The following NKTR variants were observed in gnomAD, a reference collection of about 807,000 sequenced individuals.
The protein encoded by NKTR is NK-tumor recognition protein.
NKTR carries 67 observed loss-of-function variants against 156.3 expected under a neutral mutation model. That is an observed-to-expected ratio of 0.43 (90% CI 0.35 to 0.53). NKTR has a LOEUF of 0.53. Ranked by LOEUF, NKTR falls within the 20% of genes least tolerant of loss-of-function variation. NKTR has a pLI of 0.01. For synonymous variants in NKTR, 640 were observed against 596.6 expected (o/e 1.07, Z -1.06); for missense variants, 1,604 against 1,730.9 (o/e 0.93, Z 1.30).
At chr3:42,607,529 T>C (rs1414799592) in intron 2 of NKTR, among the ~76,000 whole-genome samples, 1 of 151,368 alleles carries the variant, frequency 6.6e-6, no homozygotes, top group Non-Finnish European at 1.5e-5. Context: ...AGATGGAGAC[T>C]GTTTTAGATT....
chr3:42,638,777 G>A lies in NKTR; in HGVS notation c.3073G>A (p.Glu1025Lys). The A allele has an allele frequency of 6.2e-7, 1 of 1,610,434 alleles. No individual in the cohort carries two copies. The highest frequency in any genetic ancestry group is 8.5e-7 in the Non-Finnish European group (1 of 1,177,594). The change falls in exon 13 of 17, where the codon GAG (glutamate) becomes AAG (lysine). Residue 1025 changes from glutamate (E) to lysine (K), a missense_variant. Coordinates refer to ENST00000232978, the MANE Select transcript of NKTR (RefSeq NM_005385.4). ...HWQPPLEFGE[E>K]EEEEIDDKQV... is the part of the protein sequence containing the mutation. ...GCAGCCTCCACTAGAATTTGGTGAA[G>A]AGGAGGAGGAGGAGATTGATGACAA...
At position 42,608,968 on chromosome 3, in the gene NKTR, A is replaced by C. The variant is rs560992066; in HGVS notation, c.58+7904A>C. Among the ~76,000 whole-genome samples, 3 of 152,254 alleles carry C rather than the reference A, an allele frequency of 2.0e-5. No individual in the cohort carries two copies. In the East Asian group the frequency reaches 5.8e-4, roughly 29 times the overall value. On this transcript the variant is annotated intron_variant, in intron 2 of 16. Coordinates refer to ENST00000232978, the MANE Select transcript of NKTR (RefSeq NM_005385.4). The stretch of plus-strand genomic sequence containing the variant: ...TGGTGAAACCCTGACCACTAAAAAG[A>C]AGTACAAAAATTAGCCGGGCATGGT...
chr3:42,640,952 A>G (rs1709837009), intron 13 of NKTR, among the ~76,000 whole-genome samples: 1 of 152,230 alleles, frequency 6.6e-6, no homozygotes, highest in Admixed American at 6.5e-5. Context: ...ACACAGAGAC[A>G]GCTCTGAGCT....
chr3:42,608,028 C>A, intron 2 of NKTR, among the ~76,000 whole-genome samples: 1 of 93,574 alleles, frequency 1.1e-5, no homozygotes, highest in East Asian at 3.2e-4. Flanking sequence ...TCCTTCTTGT[C>A]ACCCAGGCTG....
Position 42,608,035 on chromosome 3 carries a change from G to T in NKTR, c.58+6971G>T, listed in dbSNP as rs538793522. On this transcript the variant is annotated intron_variant, in intron 2 of 16. Transcript: ENST00000232978. ...TTTGAGTTTCCTTCTTGTCACCCAG[G>T]CTGGAGTGCAATGGCGCGATCTCAG... 5.0e-5 allele frequency among the ~76,000 whole-genome samples: 6 copies of T among 119,002 alleles called. No individual in the cohort carries two copies. The Admixed American group carries it at 6.2e-4, about 12-fold the overall frequency. The allele number at this position is 119,002 out of a possible 152,430, so 78.1% of individuals were successfully genotyped here.
chr3:42,611,829 A>G (rs1001599016), intron 2 of NKTR, among the ~76,000 whole-genome samples: 9 of 151,886 alleles, frequency 5.9e-5, no homozygotes, highest in Middle Eastern at 3.2e-3. Flanking sequence ...GAGGATGCGT[A>G]TTTTCTTTCA....
chr3:42,628,302 A>G (rs1708584266), intron 6 of NKTR: 2 of 985,388 alleles, frequency 2.0e-6, no homozygotes, highest in Non-Finnish European at 2.4e-6. Flanking sequence ...TTTCTGCACT[A>G]CTGCTATAAA....
At chr3:42,600,627 A>C, upstream of NKTR, 1 of 161,096 alleles carries the variant, frequency 6.2e-6, no homozygotes. Flanking sequence ...CTCTCGCGGT[A>C]TTTGTCCCGA....
At position 42,600,980 on chromosome 3, in the gene NKTR, C is replaced by T; in HGVS notation, c.-23-4C>T. ...CTGACCGCTTTTCTCCCCCTCTCTCCCAGCTCTTGCCGCCACCTCGGTCGC... is the reference window on the plus strand; with the variant it reads ...CTGACCGCTTTTCTCCCCCTCTCTCTCAGCTCTTGCCGCCACCTCGGTCGC... On this transcript the variant is annotated splice_polypyrimidine_tract_variant and splice_region_variant and intron_variant, in intron 1 of 16. Coordinates refer to ENST00000232978, the MANE Select transcript of NKTR (RefSeq NM_005385.4). The T allele has an allele frequency of 6.5e-7, 1 of 1,533,898 alleles. No individual in the cohort carries two copies. The highest frequency in any genetic ancestry group is 8.8e-7 in the Non-Finnish European group (1 of 1,140,078).
chr3:42,620,353 A>C (rs971462876), intron 5 of NKTR: 1 of 1,102,396 alleles, frequency 9.1e-7, no homozygotes, highest in African/African-American at 1.6e-5. Flanking sequence ...TATTAGAACT[A>C]TGACTGTGTT....
Position 42,633,613 on chromosome 3 carries a change from G to A in NKTR, c.807G>A (p.Arg269=), listed in dbSNP as rs886753367. 3.1e-6 allele frequency: 5 copies of A among 1,613,976 alleles called. No homozygotes were observed. In the African/African-American group the frequency reaches 6.7e-5, roughly 22 times the overall value. Reference sequence around the variant, plus strand: ...AGAGGAGTGATACCAATGAAAAAAGGTCAGTTGATTCCAGTGCTAAAAGGG... The same window carrying A: ...AGAGGAGTGATACCAATGAAAAAAGATCAGTTGATTCCAGTGCTAAAAGGG... ...HSERSDTNEK[R]SVDSSAKREK... Residue 269 remains arginine (R), a synonymous_variant, in exon 10 of 17, where the codon AGG becomes AGA. Transcript: ENST00000232978.
At chr3:42,609,121 CAT>C (rs1322405142) in intron 2 of NKTR, among the ~76,000 whole-genome samples, 3 of 143,190 alleles carry the variant, frequency 2.1e-5, no homozygotes, top group Non-Finnish European at 3.0e-5. Flanking sequence ...GAGCAAGACT[CAT>C]ATATCAAAAA....
intron 6 of NKTR, 31 bp downstream of exon 6, chr3:42,621,547 T>C (rs755677566): frequency 2.5e-6 from 4 of 1,599,602 alleles, no homozygotes; most frequent in East Asian, 4.5e-5. Context: ...GATGAGCTTT[T>C]CTTAAACAGA....
chr3:42,616,562 A>G (rs1707386198), intron 2 of NKTR, among the ~76,000 whole-genome samples: 1 of 152,232 alleles, frequency 6.6e-6, no homozygotes, highest in Non-Finnish European at 1.5e-5. Flanking sequence ...AATATGGTAT[A>G]TAGCAATAGA....
chr3:42,635,159 G>T, intron 11 of NKTR, 62 bp from the exon 12 acceptor site: 1 of 1,361,504 alleles, frequency 7.3e-7, no homozygotes, highest in African/African-American at 1.5e-5. Flanking sequence ...ACTTAACTCT[G>T]TCACATAGCA....
chr3:42,613,938 A>C (rs1165981414), intron 2 of NKTR, among the ~76,000 whole-genome samples: 2 of 152,184 alleles, frequency 1.3e-5, no homozygotes, highest in Non-Finnish European at 2.9e-5. Context: ...TTTTAGTCTT[A>C]TTATAGAGCT....
chr3:42,626,113 A>G (rs1708359792), intron 6 of NKTR, among the ~76,000 whole-genome samples: 1 of 151,944 alleles, frequency 6.6e-6, no homozygotes, highest in Non-Finnish European at 1.5e-5. Context: ...GCTAAAGTGG[A>G]CAGAAGTTAT....
At chr3:42,630,033 G>C in intron 6 of NKTR, 1 of 985,524 alleles carries the variant, frequency 1.0e-6, no homozygotes, top group Non-Finnish European at 1.2e-6. Flanking sequence ...CAGAACTCCT[G>C]AGACCTACCT....
intron 8 of NKTR, among the ~76,000 whole-genome samples, chr3:42,631,772 C>T (rs1002100750): frequency 6.6e-6 from 1 of 152,150 alleles, no homozygotes; most frequent in Non-Finnish European, 1.5e-5. Context: ...ATGGTGGTCT[C>T]TAAGGCCCTG....
Sources: gnomAD v4.1 joint callset for allele counts (sites outside exome capture counted in the v4.1 genomes callset) on GRCh38, gnomAD v4.1.1 for gene constraint, MANE v1.5 for transcripts, NCBI Gene and HGNC (gene_info 2026-07-23, HGNC 2026-07-21) for gene names.